The following CEP350 variants were observed in gnomAD, a reference collection of about 807,000 sequenced individuals.
CEP350 encodes centrosomal protein 350.
A neutral mutation model predicts 331.8 loss-of-function variants in CEP350; 126 were observed. The observed-to-expected ratio is 0.38, with a 90% CI of 0.33 to 0.44. The LOEUF (loss-of-function observed/expected upper bound fraction) is 0.44. Among genes scored for constraint, CEP350 ranks in the 20% least tolerant of loss-of-function variants. CEP350 has a pLI of 1.00. For synonymous variants in CEP350, 1,200 were observed against 1,259.5 expected (o/e 0.95, Z 1.00); for missense variants, 3,406 against 3,634.6 (o/e 0.94, Z 1.62).
intron 22 of CEP350, among the ~76,000 whole-genome samples, chr1:180,052,025 A>G (rs1657534164): frequency 6.6e-6 from 1 of 152,212 alleles, no homozygotes; most frequent in Non-Finnish European, 1.5e-5. Flanking sequence ...GTACGAATTC[A>G]TGTTTAGCTG....
chr1:180,001,555 G>A (rs895675305), intron 6 of CEP350, among the ~76,000 whole-genome samples: 3 of 151,912 alleles, frequency 2.0e-5, no homozygotes, highest in East Asian at 3.9e-4. Context: ...CACCGTGCCC[G>A]GCCAAAGAGT....
chr1:179,974,179 A>C (rs915250194), intron 1 of CEP350, among the ~76,000 whole-genome samples: 12 of 151,924 alleles, frequency 7.9e-5, no homozygotes, highest in African/African-American at 2.4e-4. Context: ...TCTCGGGTTC[A>C]TGCCATTCTC....
chr1:180,019,449 TAA>T (rs1287049951), intron 11 of CEP350, among the ~76,000 whole-genome samples: 1 of 152,196 alleles, frequency 6.6e-6, no homozygotes, highest in Non-Finnish European at 1.5e-5. Context: ...TGTACATTGT[TAA>T]ACATAAGTGT....
At chr1:179,984,029 C>T (rs1266236882) in intron 1 of CEP350, among the ~76,000 whole-genome samples, 1 of 152,188 alleles carries the variant, frequency 6.6e-6, no homozygotes, top group African/African-American at 2.4e-5. Flanking sequence ...GTAGGCCCTT[C>T]TTGGAAGACA....
intron 8 of CEP350, among the ~76,000 whole-genome samples, chr1:180,007,172 G>A (rs569872618): frequency 3.9e-4 from 60 of 152,134 alleles, no homozygotes; most frequent in Non-Finnish European, 5.9e-4. Flanking sequence ...CTAGATTCTT[G>A]AGGAATTGCC....
chr1:180,012,224 C>T (rs534487127), intron 9 of CEP350, 149 bp downstream of exon 9: 4 of 671,252 alleles, frequency 6.0e-6, no homozygotes, highest in Middle Eastern at 4.0e-4. Context: ...TTCTATTGGG[C>T]TTGGTTATGG....
chr1:179,992,111 C>T lies in CEP350; in HGVS notation c.285C>T (p.Ser95=). Residue 95 remains serine, a synonymous_variant, in exon 5 of 38, where the codon TCC becomes TCT. Coordinates refer to ENST00000367607, the MANE Select transcript of CEP350 (RefSeq NM_014810.5). ...DSWVNAPISK[S]TKSRKEKSRS... is the part of the protein sequence containing the mutation. ...GGGTTAATGCTCCAATCTCCAAATCCACTAAATCACGAAAAGAGAAATCTC... is the reference window on the plus strand; with the variant it reads ...GGGTTAATGCTCCAATCTCCAAATCTACTAAATCACGAAAAGAGAAATCTC... The T allele has an allele frequency of 1.9e-6, 3 of 1,552,696 alleles. No homozygotes were observed. The highest frequency in any genetic ancestry group is 2.6e-6 in the Non-Finnish European group (3 of 1,151,684).
At chr1:180,025,001 T>C (rs1447170718) in intron 14 of CEP350, among the ~76,000 whole-genome samples, 1 of 151,752 alleles carries the variant, frequency 6.6e-6, no homozygotes, top group Non-Finnish European at 1.5e-5. Context: ...CTTGGCTCAC[T>C]GCAAGCTCCG....
At chr1:180,079,219 A>T (rs1350853338) in intron 29 of CEP350, among the ~76,000 whole-genome samples, 1 of 106,650 alleles carries the variant, frequency 9.4e-6, no homozygotes, top group African/African-American at 2.8e-5. Flanking sequence ...ATAGAAACTT[A>T]ACTCTTTTTT....
chr1:180,069,364 T>A (rs1049536453), intron 27 of CEP350, among the ~76,000 whole-genome samples: 1 of 152,230 alleles, frequency 6.6e-6, no homozygotes, highest in African/African-American at 2.4e-5. Context: ...ATCTTCACCA[T>A]TAATCTGAAT....
intron 33 of CEP350, 21 bp from the exon 34 acceptor site, chr1:180,092,593 G>A: frequency 6.9e-7 from 1 of 1,459,424 alleles, no homozygotes; most frequent in South Asian, 1.6e-5. Context: ...TTTTGATGTG[G>A]TGATTTGTTT....
intron 15 of CEP350, 57 bp from the exon 16 acceptor site, chr1:180,033,805 G>T: frequency 1.3e-6 from 2 of 1,508,418 alleles, no homozygotes; most frequent in Admixed American, 3.9e-5. Context: ...GAATTATTTA[G>T]CTGGTTTACA....
At chr1:180,004,968 T>C (rs1654159735) in intron 7 of CEP350, among the ~76,000 whole-genome samples, 1 of 146,078 alleles carries the variant, frequency 6.8e-6, no homozygotes, top group African/African-American at 2.5e-5. Context: ...CTCTCTCTCT[T>C]TTTTTAAATT....
In CEP350 at chr1:180,020,350, C is replaced by A; in HGVS notation, c.2576C>A (p.Thr859Asn). ...ASINYGSAWNTEYDVQQAPQE... is the reference protein window; with the variant it reads ...ASINYGSAWNNEYDVQQAPQE... Reference sequence around the variant, plus strand: ...ATTAACTATGGGTCAGCATGGAACACTGAGTATGATGTGCAGCAGGCACCT... The same window carrying A: ...ATTAACTATGGGTCAGCATGGAACAATGAGTATGATGTGCAGCAGGCACCT... Residue 859 changes from threonine (T) to asparagine (N), a missense_variant, in exon 12 of 38, where the codon ACT becomes AAT. Physicochemically the swap from Thr to Asn is moderately conservative, Grantham distance 65 (BLOSUM62 0). Around this residue, in one of 5 missense-constraint regions of CEP350, gnomAD observed 1,857 missense variants for 1,909.2 expected, o/e 0.97. Transcript: ENST00000367607. 1.9e-6 allele frequency: 3 copies of A among 1,613,808 alleles called. No homozygotes were observed. Among genetic ancestry groups the A allele is most frequent in the Non-Finnish European group, 2.5e-6 (3 of 1,179,896 alleles).
rs201050389 is a variant in CEP350 at position 180,022,818 on chromosome 1, C to T, written c.3356C>T (p.Ser1119Leu). 9.4e-6 allele frequency: 15 copies of T among 1,591,360 alleles called. No homozygotes were observed. The highest frequency in any genetic ancestry group is 3.4e-5 in the South Asian group (3 of 87,776). ...GTCTCCTCTCCAGGGACTGGGACTT[C>T]GACAGAAAAAAAATCAACTCTTGAA... ...DFVSSPGTGT[S>L]TEKKSTLEPH... Residue 1119 changes from serine (S) to leucine (L), a missense_variant, in exon 13 of 38, where the codon TCG (serine) becomes TTG (leucine). Physicochemically the swap from Ser to Leu is moderately radical, Grantham distance 145 (BLOSUM62 -2). Coordinates refer to ENST00000367607, the MANE Select transcript of CEP350 (RefSeq NM_014810.5).
At chr1:180,043,294 T>A in intron 20 of CEP350, 102 bp downstream of exon 20, 5 of 1,343,694 alleles carry the variant, frequency 3.7e-6, no homozygotes, top group Non-Finnish European at 5.0e-6. Flanking sequence ...GCATTATTCT[T>A]GGTTGAGAAT....
Position 180,065,145 on chromosome 1 carries a change from A to G in CEP350, c.5440A>G (p.Asn1814Asp), listed in dbSNP as rs151249659. The G allele has an allele frequency of 3.1e-6, 5 of 1,611,206 alleles. 1 individual carries two copies. The Middle Eastern group carries it at 6.6e-4, about 213-fold the overall frequency. Reference sequence around the variant, plus strand: ...TCATAGTGATGATGATACAAAGGATAATAAGGCAACCAGTCCTGGTCCAAC... The same window carrying G: ...TCATAGTGATGATGATACAAAGGATGATAAGGCAACCAGTCCTGGTCCAAC... The part of the protein sequence containing the change: ...DSHSDDDTKD[N>D]KATSPGPTDL... Residue 1814 changes from asparagine (N) to aspartate (D), a missense_variant, in exon 27 of 38, where the codon AAT (asparagine) becomes GAT (aspartate). Physicochemically the swap from Asn to Asp is conservative, Grantham distance 23. Coordinates refer to ENST00000367607, the MANE Select transcript of CEP350 (RefSeq NM_014810.5).
At chr1:180,075,525 A>G (rs1442099568) in intron 28 of CEP350, among the ~76,000 whole-genome samples, 2 of 152,088 alleles carry the variant, frequency 1.3e-5, no homozygotes, top group Admixed American at 6.5e-5. Context: ...GCTATGATCA[A>G]CCCCACTGTG....
At chr1:180,110,690 T>C (rs909563334) in intron 37 of CEP350, among the ~76,000 whole-genome samples, 1 of 152,240 alleles carries the variant, frequency 6.6e-6, no homozygotes, top group African/African-American at 2.4e-5. Flanking sequence ...TCTTATGTTA[T>C]GGAATTCCTT....
Sources: allele counts gnomAD v4.1 joint callset (sites outside exome capture counted in the v4.1 genomes callset), GRCh38; gene constraint gnomAD v4.1.1; regional missense constraint gnomAD v4.1.1; transcripts MANE v1.5; gene names NCBI Gene and HGNC (gene_info 2026-07-23, HGNC 2026-07-21).